The following RUNX1 variants were observed in gnomAD, a reference collection of about 807,000 sequenced individuals.
The protein encoded by RUNX1 is runt-related transcription factor 1.
A neutral mutation model predicts 42.8 loss-of-function variants in RUNX1; 19 were observed. The observed-to-expected ratio is 0.44, with a 90% CI of 0.31 to 0.65. The LOEUF is 0.65. Among genes scored for constraint, RUNX1 ranks in the 30% least tolerant of loss-of-function variants. The pLI is 0.07. For missense variants in RUNX1, 528 were observed against 672.0 expected (o/e 0.79, Z 2.37); for synonymous variants, 271 against 289.4 (o/e 0.94, Z 0.64).
rs79880101 is a variant in RUNX1 at position 34,816,286 on chromosome 21, G to A, written c.806-16824C>T. Among the ~76,000 whole-genome samples the A allele has an allele frequency of 9.2e-3, 1,396 of 152,290 alleles. 26 individuals carry two copies. Among genetic ancestry groups the A allele is most frequent in the African/African-American group, 0.032 (1,323 of 41,554 alleles). On this transcript the variant is annotated intron_variant, in intron 7 of 8. Transcript: ENST00000675419. Reference sequence around the variant, plus strand: ...CTGCAGCTCTGGGCTAGGTTCGTGGGGGTCCTGGGAAGGAGAGAGCGTTCC... The same window carrying A: ...CTGCAGCTCTGGGCTAGGTTCGTGGAGGTCCTGGGAAGGAGAGAGCGTTCC...
chr21:34,872,673 G>A (rs1356139941), intron 5 of RUNX1, among the ~76,000 whole-genome samples: 1 of 152,096 alleles, frequency 6.6e-6, no homozygotes, highest in East Asian at 1.9e-4. Flanking sequence ...CATGATCAGG[G>A]CGAGATCACG....
In RUNX1 at chr21:34,792,764, C is replaced by G. The variant is rs2056466503; in HGVS notation, c.968-154G>C. 4.0e-5 allele frequency among the ~76,000 whole-genome samples: 6 copies of G among 151,130 alleles called. No individual in the cohort carries two copies. In the South Asian group the frequency reaches 1.3e-3, roughly 32 times the overall value. On this transcript the variant is annotated intron_variant, in intron 8 of 8. Coordinates refer to ENST00000675419, the MANE Select transcript of RUNX1 (RefSeq NM_001754.5). The surrounding 1 kb of genome is among the most constrained non-coding windows in gnomAD (Gnocchi z 6.9). ...ACTGCTGGGGAGGACGGGGACCACC[C>G]GGGATGCTACTCCCAAGAGGACGAG... is the stretch of plus-strand genomic sequence containing the variant.
At chr21:34,872,365 G>A (rs906451725) in intron 5 of RUNX1, among the ~76,000 whole-genome samples, 4 of 152,118 alleles carry the variant, frequency 2.6e-5, no homozygotes, top group Admixed American at 2.6e-4. Flanking sequence ...GCCCTGCTGT[G>A]TGTACCACCC....
intron 2 of RUNX1, among the ~76,000 whole-genome samples, chr21:34,981,014 T>C (rs2058842324): frequency 6.6e-6 from 1 of 152,240 alleles, no homozygotes; most frequent in Non-Finnish European, 1.5e-5. Context: ...AGTCTATCAT[T>C]ATAAAGGTAC....
chr21:35,045,865 A>G (rs1246975611), intron 2 of RUNX1, among the ~76,000 whole-genome samples: 1 of 152,124 alleles, frequency 6.6e-6, no homozygotes, highest in Non-Finnish European at 1.5e-5. Flanking sequence ...AACCGCTGAG[A>G]AGACAAGCAG....
intron 5 of RUNX1, among the ~76,000 whole-genome samples, chr21:34,865,346 T>C (rs1601484528): frequency 1.3e-5 from 2 of 149,022 alleles, no homozygotes. Flanking sequence ...ATGGGGCTGC[T>C]ACCAGGCCTA....
intron 2 of RUNX1, among the ~76,000 whole-genome samples, chr21:34,966,215 T>G (rs1386640245): frequency 6.6e-6 from 1 of 152,202 alleles, no homozygotes; most frequent in African/African-American, 2.4e-5. Flanking sequence ...GAGCTTAAAT[T>G]TGGATTTTCA....
chr21:35,044,247 T>G (rs879527681), intron 2 of RUNX1, among the ~76,000 whole-genome samples: 1 of 152,154 alleles, frequency 6.6e-6, no homozygotes, highest in Non-Finnish European at 1.5e-5. Context: ...CACTCTTCCT[T>G]CTTTCCTTTG....
intron 2 of RUNX1, among the ~76,000 whole-genome samples, chr21:35,011,997 T>C (rs1207134261): frequency 2.0e-5 from 3 of 152,190 alleles, no homozygotes; most frequent in Non-Finnish European, 4.4e-5. Flanking sequence ...GAGTGGGTTA[T>C]TGGATGTCTT....
At position 34,865,406 on chromosome 21, in the gene RUNX1, C is replaced by T. The variant is rs145412808; in HGVS notation, c.509-5828G>A. On this transcript the variant is annotated intron_variant, in intron 5 of 8. Coordinates refer to ENST00000675419, the MANE Select transcript of RUNX1 (RefSeq NM_001754.5). ...AGTTCACTCCTGCCCCGCCAGCTGG[C>T]GACCTTTGTAAGGCACAACTGTGAG... 7.0e-3 allele frequency among the ~76,000 whole-genome samples: 1,058 copies of T among 152,054 alleles called. 11 individuals are homozygous for T. Among genetic ancestry groups the T allele is most frequent in the African/African-American group, 0.023 (968 of 41,476 alleles).
rs767958925 is a variant in RUNX1 at position 34,901,383 on chromosome 21, C to T, written c.59-8420G>A. Among the ~76,000 whole-genome samples, 1 of 151,980 alleles carries T rather than the reference C, an allele frequency of 6.6e-6. No individual in the cohort carries two copies. The highest frequency in any genetic ancestry group is 1.5e-5 in the Non-Finnish European group (1 of 67,988). Reference sequence around the variant, plus strand: ...AAAGTAGCTGGGCGTGGTGGCGGCGCGTGCCTGTAGTCCCAGCTACTCGAG... The same window carrying T: ...AAAGTAGCTGGGCGTGGTGGCGGCGTGTGCCTGTAGTCCCAGCTACTCGAG... On this transcript the variant is annotated intron_variant, in intron 2 of 8. Coordinates refer to ENST00000675419, the MANE Select transcript of RUNX1 (RefSeq NM_001754.5). The surrounding 1 kb of genome is among the most constrained non-coding windows in gnomAD (Gnocchi z 4.3).
At chr21:34,995,000 GA>G (rs1365472902) in intron 2 of RUNX1, among the ~76,000 whole-genome samples, 2 of 152,250 alleles carry the variant, frequency 1.3e-5, no homozygotes, top group African/African-American at 4.8e-5. Flanking sequence ...AGGGTGGCAA[GA>G]AGTCTAGGAG....
At chr21:34,872,480 G>A (rs1272516437) in intron 5 of RUNX1, among the ~76,000 whole-genome samples, 2 of 152,162 alleles carry the variant, frequency 1.3e-5, no homozygotes. Context: ...ACAGAACACT[G>A]CTGTTTTCCC....
intron 6 of RUNX1, among the ~76,000 whole-genome samples, chr21:34,844,098 G>GTTA: frequency 6.6e-6 from 1 of 152,188 alleles, no homozygotes; most frequent in African/African-American, 2.4e-5. Flanking sequence ...CCCAGTTACA[G>GTTA]CGTAACTGAA....
rs573944021 is a variant in RUNX1 at position 34,973,634 on chromosome 21, A to C, written c.58+75208T>G. ...AATCTGCTTGTAAATCCCAAGTACT[A>C]GTTTAATTTACCAAGAGAACAACAC... On this transcript the variant is annotated intron_variant, in intron 2 of 8. Transcript: ENST00000675419. 2.0e-5 allele frequency among the ~76,000 whole-genome samples: 3 copies of C among 152,294 alleles called. No homozygotes were observed. The South Asian group carries it at 6.2e-4, about 32-fold the overall frequency.
In RUNX1 at chr21:34,958,161, G is replaced by T. The variant is rs116742126; in HGVS notation, c.59-65198C>A. On this transcript the variant is annotated intron_variant, in intron 2 of 8. Coordinates refer to ENST00000675419, the MANE Select transcript of RUNX1 (RefSeq NM_001754.5). ...GCCAGGACAAAACAGAGCAGAAACAGTGCCCATTACTGAGCAAGTAGACAA... is the reference window on the plus strand; with the variant it reads ...GCCAGGACAAAACAGAGCAGAAACATTGCCCATTACTGAGCAAGTAGACAA... Among the ~76,000 whole-genome samples, 1,009 of 152,264 alleles carry T rather than the reference G, an allele frequency of 6.6e-3. 8 individuals are homozygous for T. Among genetic ancestry groups the T allele is most frequent in the African/African-American group, 0.023 (973 of 41,538 alleles).
intron 2 of RUNX1, among the ~76,000 whole-genome samples, chr21:34,967,319 C>CAA (rs398036394): frequency 0.032 from 503 of 15,724 alleles, 22 homozygotes; most frequent in Non-Finnish European, 0.035. Context: ...GACTCGGTCT[C>CAA]AAAAAAAAAA....
chr21:34,901,066 G>A lies in RUNX1; in HGVS notation c.59-8103C>T, dbSNP rs2058173681. On this transcript the variant is annotated intron_variant, in intron 2 of 8. Transcript: ENST00000675419. This position sits in a 1 kb window ranked among gnomAD's most constrained non-coding sequence, Gnocchi z 4.3. ...GGGAGCTACTGGTCTAATGGTCTAA[G>A]CTATGGAATCCATCCTCATCAGAAG... 6.6e-6 allele frequency among the ~76,000 whole-genome samples: 1 copy of A among 152,156 alleles called. No individual in the cohort carries two copies. The highest frequency in any genetic ancestry group is 1.5e-5 in the Non-Finnish European group (1 of 68,030).
At chr21:34,998,353 C>T (rs183200039) in intron 2 of RUNX1, among the ~76,000 whole-genome samples, 123 of 152,028 alleles carry the variant, frequency 8.1e-4, no homozygotes, top group African/African-American at 2.8e-3. Flanking sequence ...CAGAGACCAC[C>T]GTGTGACTTT....
Sources: gnomAD v4.1 joint callset for allele counts (sites outside exome capture counted in the v4.1 genomes callset) on GRCh38, gnomAD v4.1.1 for gene constraint, Gnocchi (gnomAD v3.1) non-coding constraint, MANE v1.5 for transcripts, NCBI Gene and HGNC (gene_info 2026-07-23, HGNC 2026-07-21) for gene names.